Variants in CAMKMT observed in about 807,000 individuals in gnomAD.
The protein encoded by CAMKMT is calmodulin-lysine N-methyltransferase, also known as CaM KMT.
CAMKMT carries 53 observed loss-of-function variants against 48.0 expected under a neutral mutation model. The ratio of observed to expected loss-of-function variants is 1.10; its 90% CI spans 0.89 to 1.39. The LOEUF (loss-of-function observed/expected upper bound fraction) is 1.39, where lower values mean the gene tolerates loss of function less well. Ranked by LOEUF, CAMKMT falls within the 40% of genes most tolerant of loss-of-function variation. The probability of loss-of-function intolerance (pLI) is 0.00; values close to 1 mark genes in which losing one functional copy is unlikely to be tolerated. For missense variants in CAMKMT, 428 were observed against 402.7 expected (o/e 1.06, Z -0.54); for synonymous variants, 165 against 152.3 (o/e 1.08, Z -0.61).
intron 3 of CAMKMT, among the ~76,000 whole-genome samples, chr2:44,463,411 T>C (rs1413619866): frequency 6.6e-6 from 1 of 152,212 alleles, no homozygotes; most frequent in African/African-American, 2.4e-5. Flanking sequence ...TCAGCCCCTC[T>C]CTTAAGCCAG....
chr2:44,391,987 ATC>A (rs979080529), intron 3 of CAMKMT: 1 of 152,508 alleles, frequency 6.6e-6, no homozygotes, highest in Non-Finnish European at 1.5e-5. Context: ...AACTGTTTTC[ATC>A]TCTTAGGGCT....
chr2:44,620,168 T>G (rs1672098312), intron 3 of CAMKMT, among the ~76,000 whole-genome samples: 1 of 152,220 alleles, frequency 6.6e-6, no homozygotes, highest in Non-Finnish European at 1.5e-5. Context: ...CAGATGTCAT[T>G]TATTGTTATT....
At chr2:44,535,619 C>T (rs1224137581) in intron 3 of CAMKMT, among the ~76,000 whole-genome samples, 1 of 152,114 alleles carries the variant, frequency 6.6e-6, no homozygotes, top group Non-Finnish European at 1.5e-5. Flanking sequence ...ATCACACCAA[C>T]AGAATGAAGG....
intron 3 of CAMKMT, among the ~76,000 whole-genome samples, chr2:44,429,259 A>ATG (rs374003166): frequency 0.031 from 4,047 of 131,900 alleles, 160 homozygotes; most frequent in African/African-American, 0.1. Context: ...TTTTATATAT[A>ATG]TGTGTGTGTG....
chr2:44,554,975 G>A (rs945428411), intron 3 of CAMKMT, among the ~76,000 whole-genome samples: 12 of 152,128 alleles, frequency 7.9e-5, no homozygotes, highest in African/African-American at 1.7e-4. Flanking sequence ...GATGAAGGGC[G>A]TTCTGGTTGG....
chr2:44,468,430 A>C (rs1668242420), intron 3 of CAMKMT, among the ~76,000 whole-genome samples: 1 of 152,214 alleles, frequency 6.6e-6, no homozygotes, highest in Non-Finnish European at 1.5e-5. Flanking sequence ...CCATTATGGA[A>C]AACAGTATGG....
At chr2:44,429,372 T>A (rs1485734954) in intron 3 of CAMKMT, among the ~76,000 whole-genome samples, 1 of 152,106 alleles carries the variant, frequency 6.6e-6, no homozygotes, top group Non-Finnish European at 1.5e-5. Flanking sequence ...ATACATATTA[T>A]ATTCCTACTA....
chr2:44,666,439 C>T (rs34766907), intron 3 of CAMKMT, among the ~76,000 whole-genome samples: 48,075 of 151,788 alleles, frequency 0.32, 9,091 homozygotes, highest in Middle Eastern at 0.45. Flanking sequence ...CCCCAGAATG[C>T]GATAAGCAGC....
intron 3 of CAMKMT, among the ~76,000 whole-genome samples, chr2:44,540,098 T>C (rs1181330913): frequency 1.3e-5 from 2 of 152,084 alleles, no homozygotes; most frequent in African/African-American, 2.4e-5. Flanking sequence ...TCTACATTCA[T>C]TAATTGGCAT....
At chr2:44,491,670 C>G (rs1669513948) in intron 3 of CAMKMT, among the ~76,000 whole-genome samples, 1 of 152,198 alleles carries the variant, frequency 6.6e-6, no homozygotes, top group Non-Finnish European at 1.5e-5. Context: ...CAGGTTATCA[C>G]TTGTGACTAT....
chr2:44,770,498 T>C (rs115480050), intron 10 of CAMKMT, among the ~76,000 whole-genome samples: 2 of 152,236 alleles, frequency 1.3e-5, no homozygotes, highest in African/African-American at 2.4e-5. Context: ...TGTATATTAG[T>C]GCATTGTGAG....
intron 3 of CAMKMT, among the ~76,000 whole-genome samples, chr2:44,584,614 C>G (rs545262380): frequency 6.6e-6 from 1 of 152,156 alleles, no homozygotes; most frequent in East Asian, 1.9e-4. Context: ...AATTCAAATT[C>G]AAGTCAAAAA....
chr2:44,411,803 A>G (rs1050773789), intron 3 of CAMKMT, among the ~76,000 whole-genome samples: 13 of 151,954 alleles, frequency 8.6e-5, no homozygotes, highest in African/African-American at 2.7e-4. Context: ...TAAAGTCATC[A>G]TTCAAGGTAG....
intron 2 of CAMKMT, among the ~76,000 whole-genome samples, chr2:44,377,813 T>G (rs1259878040): frequency 6.6e-6 from 1 of 151,898 alleles, no homozygotes. Flanking sequence ...TTATAACAAA[T>G]GCACTACACC....
At chr2:44,607,507 AT>A (rs1671352238) in intron 3 of CAMKMT, among the ~76,000 whole-genome samples, 1 of 152,200 alleles carries the variant, frequency 6.6e-6, no homozygotes, top group Non-Finnish European at 1.5e-5. Flanking sequence ...AGCACCAGTG[AT>A]TTACTCAAAA....
At chr2:44,392,268 G>A (rs1417449319) in intron 3 of CAMKMT, among the ~76,000 whole-genome samples, 1 of 152,076 alleles carries the variant, frequency 6.6e-6, no homozygotes, top group Non-Finnish European at 1.5e-5. Context: ...ATTGCTGAGT[G>A]ATAGAAGTGG....
chr2:44,416,568 A>ATTTT (rs34882377), intron 3 of CAMKMT, among the ~76,000 whole-genome samples: 71 of 80,256 alleles, frequency 8.8e-4, no homozygotes, highest in East Asian at 1.8e-3. Context: ...ACTTAGCATG[A>ATTTT]TTTTTTTTTT....
intron 3 of CAMKMT, among the ~76,000 whole-genome samples, chr2:44,687,897 CACAAA>C (rs1367665624): frequency 1.3e-5 from 2 of 152,202 alleles, no homozygotes; most frequent in Non-Finnish European, 2.9e-5. Context: ...AAAATTCTTA[CACAAA>C]ACAAAAGAGC....
intron 3 of CAMKMT, among the ~76,000 whole-genome samples, chr2:44,617,276 C>T (rs1224208697): frequency 1.3e-5 from 2 of 152,146 alleles, no homozygotes; most frequent in Non-Finnish European, 2.9e-5. Flanking sequence ...TGTGGCTCTG[C>T]AGGAGTTTTT....
Sources: gnomAD v4.1 joint callset for allele counts (sites outside exome capture counted in the v4.1 genomes callset) on GRCh38, gnomAD v4.1.1 for gene constraint, MANE v1.5 for transcripts, NCBI Gene and HGNC (gene_info 2026-07-23, HGNC 2026-07-21) for gene names.